Variants in TRAK1 observed in about 807,000 individuals in gnomAD.
The protein encoded by TRAK1 is trafficking kinesin protein 1, also known as trafficking kinesin-binding protein 1.
Under a neutral mutation model 92.1 loss-of-function variants are expected in TRAK1, and 33 were observed. That is an observed-to-expected ratio of 0.36 (90% CI 0.27 to 0.48). The LOEUF is 0.48. Ranked by LOEUF, TRAK1 falls within the 20% of genes least tolerant of loss-of-function variation. The pLI is 0.99. For missense variants in TRAK1, 1,123 were observed against 1,257.9 expected (o/e 0.89, Z 1.62); for synonymous variants, 521 against 517.3 (o/e 1.01, Z -0.10).
rs60622565 is a variant in TRAK1, at chr3:42,157,457, CAAAAAAAAAAAAAA to C, written c.287-19338_287-19325del. ...TGGGCAACAGAATGAGACCCTGTCT[CAAAAAAAAAAAAAA>C]AAAAAAAAAAAAAAAAAAGGTTAAC... On this transcript the variant is annotated intron_variant, in intron 2 of 15. Coordinates refer to ENST00000327628, the MANE Select transcript of TRAK1 (RefSeq NM_001042646.3). Among the ~76,000 whole-genome samples, 13 of 31,114 alleles carry C rather than the reference CAAAAAAAAAAAAAA, an allele frequency of 4.2e-4. 1 individual carries two copies. The South Asian group carries it at 0.011, about 26-fold the overall frequency. 20.4% of individuals were successfully genotyped at this position (31,114 alleles called of 152,430 possible). A position where few individuals can be genotyped will look rare whatever the true frequency, so the allele number is the denominator to read the frequency against.
chr3:42,202,670 C>T lies in TRAK1; in HGVS notation c.1662C>T (p.Ser554=), dbSNP rs749632005. ...CCCTGGGCACGCACTCCCGCTTCTC[C>T]GAGTTCACCGGCTTCTCTGGCATGT... ...IMSLGTHSRF[S]EFTGFSGMSF... is the part of the protein sequence containing the mutation. The change falls in exon 13 of 16, where the codon TCC becomes TCT. Residue 554 remains serine, a synonymous_variant. Transcript: ENST00000327628. This position sits in a 1 kb window ranked among gnomAD's most constrained non-coding sequence, Gnocchi z 6.1. 55 of 1,613,492 alleles carry T rather than the reference C, an allele frequency of 3.4e-5. No individual in the cohort carries two copies. Among genetic ancestry groups the T allele is most frequent in the Admixed American group, 1.3e-4 (8 of 60,000 alleles).
At chr3:42,148,440 C>G (rs552480978) in intron 2 of TRAK1, among the ~76,000 whole-genome samples, 1 of 152,326 alleles carries the variant, frequency 6.6e-6, no homozygotes, top group South Asian at 2.1e-4. Flanking sequence ...ATGAATATTT[C>G]AAACATATCA....
intron 1 of TRAK1, among the ~76,000 whole-genome samples, chr3:42,073,560 G>T (rs1704025876): frequency 6.6e-6 from 1 of 152,216 alleles, no homozygotes; most frequent in African/African-American, 2.4e-5. Context: ...TATTGTACGG[G>T]CAGGACCTGT....
chr3:42,043,907 A>T (rs912716398), intron 1 of TRAK1, among the ~76,000 whole-genome samples: 20 of 151,824 alleles, frequency 1.3e-4, no homozygotes, highest in East Asian at 7.7e-4. Flanking sequence ...CTTTTTTTTT[A>T]AAATTACTTT....
intron 1 of TRAK1, among the ~76,000 whole-genome samples, chr3:42,015,192 G>A (rs952222831): frequency 2.0e-5 from 3 of 152,176 alleles, no homozygotes; most frequent in South Asian, 4.1e-4. Flanking sequence ...GGTCATACTC[G>A]GTTGCTCTTT....
At chr3:42,096,966 G>A (rs1243806341) in intron 1 of TRAK1, among the ~76,000 whole-genome samples, 4 of 152,194 alleles carry the variant, frequency 2.6e-5, no homozygotes, top group African/African-American at 9.6e-5. Flanking sequence ...CCAGACCTCT[G>A]CCTTTCCTCC....
At chr3:42,138,958 GTC>G (rs1340016956) in intron 2 of TRAK1, among the ~76,000 whole-genome samples, 3 of 142,874 alleles carry the variant, frequency 2.1e-5, no homozygotes, top group Non-Finnish European at 4.4e-5. Context: ...ACATCAAAGA[GTC>G]TGTTGTCACC....
intron 14 of TRAK1, chr3:42,211,566 A>G: frequency 2.0e-6 from 2 of 985,418 alleles, no homozygotes; most frequent in Non-Finnish European, 2.4e-6. Flanking sequence ...CTAAAGGGGT[A>G]GGCCTTATGT....
chr3:42,110,228 A>G (rs1708203920), intron 1 of TRAK1, among the ~76,000 whole-genome samples: 1 of 150,872 alleles, frequency 6.6e-6, no homozygotes, highest in Non-Finnish European at 1.5e-5. Flanking sequence ...TGTGGGGATA[A>G]CTTGAATAGC....
At chr3:42,169,285 C>T (rs1029094875) in intron 2 of TRAK1, among the ~76,000 whole-genome samples, 1 of 151,842 alleles carries the variant, frequency 6.6e-6, no homozygotes, top group Non-Finnish European at 1.5e-5. Flanking sequence ...CTATAGCATG[C>T]ATGAACTTCA....
chr3:42,133,825 A>G (rs1697532382), intron 2 of TRAK1, among the ~76,000 whole-genome samples: 1 of 152,180 alleles, frequency 6.6e-6, no homozygotes, highest in South Asian at 2.1e-4. Flanking sequence ...ATATATTACA[A>G]TTGTTTTATC....
intron 5 of TRAK1, among the ~76,000 whole-genome samples, chr3:42,188,607 GC>G (rs1315634382): frequency 2.6e-5 from 4 of 152,210 alleles, no homozygotes; most frequent in Non-Finnish European, 4.4e-5. Flanking sequence ...CATGCTGTTG[GC>G]TAGGTTACTT....
intron 1 of TRAK1, among the ~76,000 whole-genome samples, chr3:42,095,854 A>C (rs1207567679): frequency 3.3e-5 from 5 of 152,114 alleles, no homozygotes; most frequent in Non-Finnish European, 5.9e-5. Flanking sequence ...AGCCTCTGGG[A>C]GGTGGTTAGG....
intron 1 of TRAK1, among the ~76,000 whole-genome samples, chr3:42,119,627 T>C (rs1238461797): frequency 1.3e-5 from 2 of 152,322 alleles, no homozygotes; most frequent in Admixed American, 1.3e-4. Context: ...GCATTGCCTT[T>C]ACTAATTTAG....
chr3:42,148,023 A>AACACAC (rs146659030), intron 2 of TRAK1, among the ~76,000 whole-genome samples: 74 of 150,192 alleles, frequency 4.9e-4, no homozygotes, highest in Non-Finnish European at 6.2e-4. Context: ...CATACATAGA[A>AACACAC]ACACACACAC....
intron 1 of TRAK1, among the ~76,000 whole-genome samples, chr3:42,111,916 CTT>C (rs200985476): frequency 3.7e-5 from 5 of 136,170 alleles, no homozygotes; most frequent in Admixed American, 7.4e-5. Context: ...CTGACATCTT[CTT>C]TTTTTTTTTT....
intron 3 of TRAK1, among the ~76,000 whole-genome samples, chr3:42,182,009 C>A (rs1704069742): frequency 6.7e-6 from 1 of 148,480 alleles, no homozygotes; most frequent in Non-Finnish European, 1.5e-5. Context: ...TCCTGTGTTG[C>A]CCAGGCTGGT....
At chr3:42,214,395 A>G (rs1341567894) in intron 14 of TRAK1, among the ~76,000 whole-genome samples, 1 of 152,238 alleles carries the variant, frequency 6.6e-6, no homozygotes, top group Non-Finnish European at 1.5e-5. Flanking sequence ...TGTCTGCCAC[A>G]GAAGGAAGGA....
At chr3:42,164,885 C>CAGCT (rs1701676665) in intron 2 of TRAK1, among the ~76,000 whole-genome samples, 1 of 152,238 alleles carries the variant, frequency 6.6e-6, no homozygotes, top group South Asian at 2.1e-4. Context: ...AGTGCCTGGG[C>CAGCT]AGCTGCATGA....
Sources: allele counts gnomAD v4.1 joint callset (sites outside exome capture counted in the v4.1 genomes callset), GRCh38; gene constraint gnomAD v4.1.1; non-coding constraint Gnocchi (gnomAD v3.1); transcripts MANE v1.5; gene names NCBI Gene and HGNC (gene_info 2026-07-23, HGNC 2026-07-21).